Variants in CREBL2 observed in about 807,000 individuals in gnomAD.
The protein encoded by CREBL2 is cAMP-responsive element-binding protein-like 2.
In CREBL2, 4 loss-of-function variants were observed where a neutral mutation model predicts 19.5. That is an observed-to-expected ratio of 0.20 (90% CI 0.10 to 0.47). The LOEUF (loss-of-function observed/expected upper bound fraction) is 0.47, where lower values mean the gene tolerates loss of function less well. Ranked by LOEUF, CREBL2 falls within the 20% of genes least tolerant of loss-of-function variation. The pLI, the probability that CREBL2 is intolerant of heterozygous loss-of-function variation, is 0.98. For missense variants in CREBL2, 85 were observed against 145.1 expected, an observed-to-expected ratio of 0.59 and a Z score of 2.13; for synonymous variants, 42 against 46.6, an observed-to-expected ratio of 0.90 and a Z score of 0.40.
At chr12:12,622,745 A>G (rs78920950) in intron 1 of CREBL2, among the ~76,000 whole-genome samples, 3,147 of 152,366 alleles carry the variant, frequency 0.021, 54 homozygotes, top group Middle Eastern at 0.037. Context: ...GAGCCTTAAC[A>G]TCAAATGAAA....
chr12:12,617,643 C>CTTTTTTTTTTTT lies in CREBL2; in HGVS notation c.15+5483_15+5494dup, dbSNP rs66943066. ...CCCTGAGATGCTCATTTTAGTAATT[C>CTTTTTTTTTTTT]TTTTTTTTTTTTTTTTTTTTTTTTT... On this transcript the variant is annotated intron_variant, in intron 1 of 3. Coordinates refer to ENST00000228865, the MANE Select transcript of CREBL2 (RefSeq NM_001310.4). Among the ~76,000 whole-genome samples the CTTTTTTTTTTTT allele has an allele frequency of 9.0e-4, 35 of 38,760 alleles. 5 individuals are homozygous for CTTTTTTTTTTTT. Among genetic ancestry groups the CTTTTTTTTTTTT allele is most frequent in the South Asian group, 1.3e-3 (1 of 764 alleles). The allele number at this position is 38,760 out of a possible 152,430, so 25.4% of individuals were successfully genotyped here.
intron 1 of CREBL2, among the ~76,000 whole-genome samples, chr12:12,620,005 G>A (rs17819158): frequency 0.33 from 49,414 of 151,920 alleles, 8,289 homozygotes; most frequent in East Asian, 0.41. Flanking sequence ...ATTTTAATTT[G>A]GCAAAAAAAT....
chr12:12,637,746 AAG>A (rs780364570), intron 3 of CREBL2, 32 bp downstream of exon 3: 22 of 1,583,914 alleles, frequency 1.4e-5, no homozygotes, highest in Non-Finnish European at 1.8e-5. Flanking sequence ...ATTTATATTT[AAG>A]AGAGTGTCTC....
Position 12,642,106 on chromosome 12 carries a change from A to G in CREBL2, c.*108A>G, listed in dbSNP as rs905704368. 5.6e-6 allele frequency: 4 copies of G among 712,724 alleles called. No homozygotes were observed. The highest frequency in any genetic ancestry group is 2.5e-4 in the Middle Eastern group (1 of 4,028). The allele number at this position is 712,724 out of a possible 1,614,324, so 44.1% of individuals were successfully genotyped here. On this transcript the variant is annotated 3_prime_UTR_variant, in exon 4 of 4. Coordinates refer to ENST00000228865, the MANE Select transcript of CREBL2 (RefSeq NM_001310.4). ...CTCCATTTACTACCTACTGCTCAGTAGTCATCTCTGTAAATCTGCAATTTC... is the reference window on the plus strand; with the variant it reads ...CTCCATTTACTACCTACTGCTCAGTGGTCATCTCTGTAAATCTGCAATTTC...
At chr12:12,631,312 G>A (rs189465895) in intron 1 of CREBL2, among the ~76,000 whole-genome samples, 1 of 152,154 alleles carries the variant, frequency 6.6e-6, no homozygotes, top group African/African-American at 2.4e-5. Context: ...CTCACTGTCC[G>A]CATCTCACAA....
intron 1 of CREBL2, chr12:12,614,844 T>G (rs961480625): frequency 2.5e-5 from 8 of 314,644 alleles, no homozygotes; most frequent in Non-Finnish European, 5.0e-5. Context: ...ATAGTAAGAT[T>G]TGTAGGGCAT....
chr12:12,614,012 A>C (rs1199127290), intron 1 of CREBL2, among the ~76,000 whole-genome samples: 1 of 52,882 alleles, frequency 1.9e-5, no homozygotes, highest in African/African-American at 7.6e-5. Flanking sequence ...TTTTTTTTTG[A>C]GACGGAGTCT....
At chr12:12,641,244 A>ATTTTTTTTT (rs1566116871) in intron 3 of CREBL2, among the ~76,000 whole-genome samples, 4 of 15,584 alleles carry the variant, frequency 2.6e-4, no homozygotes, top group Admixed American at 1.1e-3. Context: ...TATTATTATT[A>ATTTTTTTTT]TTATTATTAT....
intron 1 of CREBL2, among the ~76,000 whole-genome samples, chr12:12,627,819 C>A (rs777463034): frequency 6.6e-6 from 1 of 152,162 alleles, no homozygotes; most frequent in Non-Finnish European, 1.5e-5. Context: ...AGTGGCTGCA[C>A]CATTTTACAT....
intron 1 of CREBL2, among the ~76,000 whole-genome samples, chr12:12,623,241 C>T (rs1420123368): frequency 6.6e-6 from 1 of 151,496 alleles, no homozygotes; most frequent in Non-Finnish European, 1.5e-5. Flanking sequence ...TCTTAAATGC[C>T]TGGCTCTGTG....
At chr12:12,613,519 G>C (rs918053405) in intron 1 of CREBL2, among the ~76,000 whole-genome samples, 3 of 151,878 alleles carry the variant, frequency 2.0e-5, no homozygotes, top group African/African-American at 7.3e-5. Flanking sequence ...TTTCCTTCTT[G>C]TTTTCTCTTC....
At position 12,617,643 on chromosome 12, in the gene CREBL2, C is replaced by CTTTTTTTTTTTTTTT. The variant is rs66943066; in HGVS notation, c.15+5480_15+5494dup. On this transcript the variant is annotated intron_variant, in intron 1 of 3. Coordinates refer to ENST00000228865, the MANE Select transcript of CREBL2 (RefSeq NM_001310.4). ...CCCTGAGATGCTCATTTTAGTAATTCTTTTTTTTTTTTTTTTTTTTTTTTT... is the reference window on the plus strand; with the variant it reads ...CCCTGAGATGCTCATTTTAGTAATTCTTTTTTTTTTTTTTTTTTTTTTTTTTTTTTTTTTTTTTTT... 3.9e-4 allele frequency among the ~76,000 whole-genome samples: 15 copies of CTTTTTTTTTTTTTTT among 38,766 alleles called. 3 individuals are homozygous for CTTTTTTTTTTTTTTT. Among genetic ancestry groups the CTTTTTTTTTTTTTTT allele is most frequent in the Admixed American group, 7.4e-4 (2 of 2,694 alleles). 25.4% of individuals were successfully genotyped at this position (38,766 alleles called of 152,430 possible).
rs1284888990 is a variant in CREBL2, at chr12:12,642,191, A to T, written c.*193A>T. 2.4e-6 allele frequency: 1 copy of T among 418,472 alleles called. No homozygotes were observed. Among genetic ancestry groups the T allele is most frequent in the Non-Finnish European group, 4.3e-6 (1 of 234,980 alleles). 25.9% of individuals were successfully genotyped at this position (418,472 alleles called of 1,614,324 possible). The stretch of plus-strand genomic sequence containing the variant: ...TTGCTTTAACTTTCAACACTTAGAA[A>T]ATCTACAAACATTCAGACCTGTCTG... On this transcript the variant is annotated 3_prime_UTR_variant, in exon 4 of 4. Coordinates refer to ENST00000228865, the MANE Select transcript of CREBL2 (RefSeq NM_001310.4).
chr12:12,622,542 TA>T (rs1945367290), intron 1 of CREBL2, among the ~76,000 whole-genome samples: 1 of 151,618 alleles, frequency 6.6e-6, no homozygotes, highest in Non-Finnish European at 1.5e-5. Context: ...AGGGAGGGGA[TA>T]GGGGTTGAGA....
intron 1 of CREBL2, among the ~76,000 whole-genome samples, chr12:12,626,987 A>G (rs1015299087): frequency 1.3e-5 from 2 of 152,204 alleles, no homozygotes; most frequent in Non-Finnish European, 2.9e-5. Flanking sequence ...GCCATTTTGG[A>G]GAAGGCAAAA....
chr12:12,615,458 T>TA (rs1945303583), intron 1 of CREBL2: 1 of 152,130 alleles, frequency 6.6e-6, no homozygotes, highest in Admixed American at 6.6e-5. Flanking sequence ...TATTCCCTTT[T>TA]AAACAGTCCC....
In CREBL2 at chr12:12,637,674, G is replaced by A. The variant is rs913229596; in HGVS notation, c.318G>A (p.Arg106=). ...EQNKSQQNSS[R]HTKAGKTDAN... ...ACAAATCTCAGCAGAACTCAAGCAGGCATACCAAGGCTGGGAAGACAGATG... is the reference window on the plus strand; with the variant it reads ...ACAAATCTCAGCAGAACTCAAGCAGACATACCAAGGCTGGGAAGACAGATG... The change falls in exon 3 of 4, where the codon AGG becomes AGA. Residue 106 remains arginine (R), a synonymous_variant. Coordinates refer to ENST00000228865, the MANE Select transcript of CREBL2 (RefSeq NM_001310.4). 1 of 1,612,870 alleles carries A rather than the reference G, an allele frequency of 6.2e-7. No homozygotes were observed. Among genetic ancestry groups the A allele is most frequent in the Non-Finnish European group, 8.5e-7 (1 of 1,179,550 alleles).
chr12:12,619,034 TGGGAGAC>T (rs930388583), intron 1 of CREBL2, among the ~76,000 whole-genome samples: 1 of 149,446 alleles, frequency 6.7e-6, no homozygotes, highest in African/African-American at 2.5e-5. Flanking sequence ...CCGTGGAAAG[TGGGAGAC>T]GGGAGAGGGA....
In CREBL2 at chr12:12,613,977, T is replaced by C. The variant is rs1474739387; in HGVS notation, c.15+1790T>C. ...GGAGGGGACATCACACTTCTTTCTT[T>C]TTTCTTTTTTTTCTTTTTTTTTTTT... On this transcript the variant is annotated intron_variant, in intron 1 of 3. Transcript: ENST00000228865. 4.6e-5 allele frequency among the ~76,000 whole-genome samples: 6 copies of C among 130,292 alleles called. No homozygotes were observed. In the Admixed American group the frequency reaches 5.4e-4, roughly 12 times the overall value. 85.5% of individuals were successfully genotyped at this position (130,292 alleles called of 152,430 possible).
Sources: allele counts gnomAD v4.1 joint callset (sites outside exome capture counted in the v4.1 genomes callset), GRCh38; gene constraint gnomAD v4.1.1; transcripts MANE v1.5; gene names NCBI Gene and HGNC (gene_info 2026-07-23, HGNC 2026-07-21).